The following TDRD5 variants were observed in gnomAD, a reference collection of about 807,000 sequenced individuals.
The protein encoded by TDRD5 is tudor domain-containing protein 5.
Under a neutral mutation model 120.6 loss-of-function variants are expected in TDRD5, and 41 were observed. The observed-to-expected ratio is 0.34, with a 90% CI of 0.26 to 0.44. The LOEUF is 0.44. TDRD5 is among the 20% of genes least tolerant of loss of function. TDRD5 has a pLI of 1.00. For synonymous variants in TDRD5, 430 were observed against 433.7 expected (o/e 0.99, Z 0.11); for missense variants, 1,006 against 1,221.2 (o/e 0.82, Z 2.63).
chr1:179,615,013 C>T (rs1215894175), intron 4 of TDRD5, among the ~76,000 whole-genome samples: 3 of 152,086 alleles, frequency 2.0e-5, no homozygotes, highest in African/African-American at 4.8e-5. Flanking sequence ...TGTCCTTTGG[C>T]CAATGTCTTC....
At chr1:179,624,475 G>GT (rs1294731737) in intron 6 of TDRD5, among the ~76,000 whole-genome samples, 3 of 152,120 alleles carry the variant, frequency 2.0e-5, no homozygotes, top group African/African-American at 7.2e-5. Context: ...AAGAAAAAAC[G>GT]TAAAACTTTA....
At chr1:179,674,523 T>C (rs1042472814) in intron 17 of TDRD5, among the ~76,000 whole-genome samples, 2 of 152,180 alleles carry the variant, frequency 1.3e-5, no homozygotes, top group African/African-American at 4.8e-5. Flanking sequence ...GTTATGTCCT[T>C]TCCCGGTTTT....
In TDRD5 at chr1:179,650,957, A is replaced by G. The variant is rs766365955; in HGVS notation, c.1891A>G (p.Ile631Val). 11 of 1,614,038 alleles carry G rather than the reference A, an allele frequency of 6.8e-6. No homozygotes were observed. Among genetic ancestry groups the G allele is most frequent in the Middle Eastern group, 3.3e-4 (2 of 6,082 alleles). The change falls in exon 12 of 18, where the codon ATC becomes GTC. Residue 631 changes from isoleucine (I) to valine (V), a missense_variant. Ile to Val is a conservative substitution (Grantham distance 29, BLOSUM62 3). Transcript: ENST00000444136. ...GGTAGTGGATGAATATGTAGATGGA[A>G]TCCTTAACATTTTTTTGTGTGACAC... ...VGVVDEYVDG[I>V]LNIFLCDTSS...
chr1:179,666,668 T>C (rs1228924256), intron 16 of TDRD5, among the ~76,000 whole-genome samples: 1 of 152,190 alleles, frequency 6.6e-6, no homozygotes, highest in Non-Finnish European at 1.5e-5. Context: ...TCTTAGTATG[T>C]AACTAGATAA....
intron 11 of TDRD5, 53 bp from the exon 12 acceptor site, chr1:179,650,814 A>G: frequency 3.2e-6 from 5 of 1,566,124 alleles, no homozygotes; most frequent in South Asian, 1.1e-5. Context: ...TATGGTTATT[A>G]TAATTCATGT....
intron 4 of TDRD5, among the ~76,000 whole-genome samples, chr1:179,604,570 G>C (rs1006256853): frequency 1.3e-5 from 2 of 151,908 alleles, no homozygotes; most frequent in Non-Finnish European, 2.9e-5. Flanking sequence ...GTTTTTGATA[G>C]ACCGTGTCAT....
At chr1:179,659,138 T>C (rs777396089) in intron 14 of TDRD5, among the ~76,000 whole-genome samples, 2 of 152,212 alleles carry the variant, frequency 1.3e-5, no homozygotes, top group Non-Finnish European at 2.9e-5. Context: ...TTTAAATTTG[T>C]TAAGGTTTGT....
intron 17 of TDRD5, among the ~76,000 whole-genome samples, chr1:179,685,220 A>G (rs1308695796): frequency 6.6e-6 from 1 of 152,180 alleles, no homozygotes; most frequent in Non-Finnish European, 1.5e-5. Context: ...TAGTTTTTGT[A>G]TAAGGTGTAA....
chr1:179,607,387 C>T (rs999081869), intron 4 of TDRD5, among the ~76,000 whole-genome samples: 74 of 152,170 alleles, frequency 4.9e-4, no homozygotes, highest in African/African-American at 1.8e-3. Flanking sequence ...AGTTTTATTT[C>T]TTCCTTCCCA....
Position 179,620,617 on chromosome 1 carries a change from C to T in TDRD5, c.916-418C>T, listed in dbSNP as rs1240878390. Among the ~76,000 whole-genome samples, 3 of 152,086 alleles carry T rather than the reference C, an allele frequency of 2.0e-5. No individual in the cohort carries two copies. The East Asian group carries it at 5.8e-4, about 29-fold the overall frequency. On this transcript the variant is annotated intron_variant, in intron 5 of 17. Transcript: ENST00000444136. ...TGATGTACGTATGGACAATAATGCT[C>T]TTAACAGATCTTTTATTTTTGCTTA... is the stretch of plus-strand genomic sequence containing the variant.
At chr1:179,687,981 G>C (rs976096038) in intron 17 of TDRD5, among the ~76,000 whole-genome samples, 2 of 151,642 alleles carry the variant, frequency 1.3e-5, no homozygotes, top group African/African-American at 4.9e-5. Context: ...ACACTGATGA[G>C]TCTTTATTCT....
intron 11 of TDRD5, among the ~76,000 whole-genome samples, chr1:179,646,940 G>A (rs1678405233): frequency 6.7e-6 from 1 of 149,984 alleles, no homozygotes; most frequent in Non-Finnish European, 1.5e-5. Context: ...ACTGCTCAAG[G>A]AAATAAAAGA....
chr1:179,675,841 G>T (rs974858361), intron 17 of TDRD5, among the ~76,000 whole-genome samples: 2 of 152,142 alleles, frequency 1.3e-5, no homozygotes, highest in African/African-American at 4.8e-5. Context: ...TCTGCATTTT[G>T]TGGGGTAGAA....
Position 179,592,482 on chromosome 1 carries a change from A to G in TDRD5, c.-14-120A>G, listed in dbSNP as rs536279524. The G allele has an allele frequency of 1.3e-4, 94 of 746,002 alleles. No homozygotes were observed. In the African/African-American group the frequency reaches 1.6e-3, roughly 12 times the overall value. The allele number at this position is 746,002 out of a possible 1,614,324, so 46.2% of individuals were successfully genotyped here. On this transcript the variant is annotated intron_variant, in intron 1 of 17. Transcript: ENST00000444136. ...AGCCGCAGGGCACCCTCATACTACT[A>G]CTTCTGCCTTATTACCCTTAAAACT...
chr1:179,650,932 G>T lies in TDRD5; in HGVS notation c.1866G>T (p.Gly622=), dbSNP rs1472927299. 3.1e-6 allele frequency: 5 copies of T among 1,613,990 alleles called. No homozygotes were observed. Among genetic ancestry groups the T allele is most frequent in the African/African-American group, 2.7e-5 (2 of 74,908 alleles). Residue 622 remains glycine, a synonymous_variant, in exon 12 of 18, where the codon GGG becomes GGT. Coordinates refer to ENST00000444136, the MANE Select transcript of TDRD5 (RefSeq NM_001199085.3). ...TGTGCGGTTTGAAGCCATTAGTGGG[G>T]GTAGTGGATGAATATGTAGATGGAA... ...QKLCGLKPLV[G]VVDEYVDGIL...
intron 7 of TDRD5, among the ~76,000 whole-genome samples, chr1:179,631,569 C>T (rs1264445876): frequency 6.6e-6 from 1 of 152,070 alleles, no homozygotes; most frequent in Non-Finnish European, 1.5e-5. Flanking sequence ...GGACCCAGCA[C>T]TTGTATTTTT....
At chr1:179,637,843 G>C (rs1238947525) in intron 9 of TDRD5, among the ~76,000 whole-genome samples, 2 of 152,198 alleles carry the variant, frequency 1.3e-5, no homozygotes, top group Non-Finnish European at 2.9e-5. Context: ...AAGAAGATAG[G>C]AGATACATGG....
At chr1:179,687,528 G>A (rs1219495118) in intron 17 of TDRD5, among the ~76,000 whole-genome samples, 1 of 152,200 alleles carries the variant, frequency 6.6e-6, no homozygotes, top group African/African-American at 2.4e-5. Context: ...TGTTGATTTG[G>A]AGTGGAGAGT....
intron 16 of TDRD5, among the ~76,000 whole-genome samples, chr1:179,668,534 C>T (rs1244966327): frequency 1.3e-5 from 2 of 152,158 alleles, no homozygotes; most frequent in African/African-American, 4.8e-5. Context: ...AATGAAGAAA[C>T]ACATGCAGAT....
Sources: allele counts gnomAD v4.1 joint callset (sites outside exome capture counted in the v4.1 genomes callset), GRCh38; gene constraint gnomAD v4.1.1; transcripts MANE v1.5; gene names NCBI Gene and HGNC (gene_info 2026-07-23, HGNC 2026-07-21).